The following FTO variants were observed in gnomAD, a reference collection of about 807,000 sequenced individuals.
FTO encodes the protein alpha-ketoglutarate-dependent dioxygenase FTO.
FTO carries 47 observed loss-of-function variants against 63.9 expected under a neutral mutation model. The observed-to-expected ratio is 0.74, with a 90% CI of 0.58 to 0.94. The LOEUF is 0.94. Ranked by LOEUF, FTO falls within the 40% of genes least tolerant of loss-of-function variation. The pLI is 0.00. For synonymous variants in FTO, 207 were observed against 224.4 expected, an observed-to-expected ratio of 0.92 and a Z score of 0.69; for missense variants, 562 against 618.1, an observed-to-expected ratio of 0.91 and a Z score of 0.96.
At chr16:53,821,810 T>C (rs886393463) in intron 2 of FTO, among the ~76,000 whole-genome samples, 2 of 152,252 alleles carry the variant, frequency 1.3e-5, no homozygotes, top group Non-Finnish European at 2.9e-5. Flanking sequence ...GGCTAGATTA[T>C]GCTATAGTAA....
intron 3 of FTO, among the ~76,000 whole-genome samples, chr16:53,841,357 T>TAA (rs78861059): frequency 7.2e-5 from 11 of 151,848 alleles, no homozygotes; most frequent in South Asian, 2.1e-4. Flanking sequence ...GTTATTCTGT[T>TAA]AAAAAAACCT....
At chr16:53,784,309 C>A (rs564883508) in intron 1 of FTO, among the ~76,000 whole-genome samples, 1 of 152,118 alleles carries the variant, frequency 6.6e-6, no homozygotes, top group Non-Finnish European at 1.5e-5. Flanking sequence ...AAATAAATAA[C>A]CTAAACTGGT....
chr16:53,899,855 G>A (rs1251976733), intron 7 of FTO, among the ~76,000 whole-genome samples: 1 of 152,224 alleles, frequency 6.6e-6, no homozygotes, highest in Non-Finnish European at 1.5e-5. Flanking sequence ...AAAGGAAAAA[G>A]TTTGGTTGTA....
intron 4 of FTO, among the ~76,000 whole-genome samples, chr16:53,870,276 A>G (rs1197896360): frequency 6.6e-6 from 1 of 152,168 alleles, no homozygotes; most frequent in Non-Finnish European, 1.5e-5. Flanking sequence ...CAGAAGCATG[A>G]GAAGATGTTT....
chr16:53,757,789 C>G (rs750827636), intron 1 of FTO, among the ~76,000 whole-genome samples: 43 of 152,146 alleles, frequency 2.8e-4, no homozygotes, highest in Non-Finnish European at 4.7e-4. Flanking sequence ...CTTTCTTTCT[C>G]TCTCTGTCCA....
chr16:54,041,165 A>G (rs2085066078), intron 8 of FTO, among the ~76,000 whole-genome samples: 2 of 152,332 alleles, frequency 1.3e-5, no homozygotes, highest in Non-Finnish European at 1.5e-5. Flanking sequence ...TGAGTAATTT[A>G]CAAAGGAAAG....
chr16:53,858,480 A>T (rs1044920682), intron 4 of FTO, among the ~76,000 whole-genome samples: 1 of 152,180 alleles, frequency 6.6e-6, no homozygotes, highest in African/African-American at 2.4e-5. Context: ...TTTTCCATGG[A>T]AGTGAAAAGT....
chr16:54,074,733 A>T lies in FTO; in HGVS notation c.1365-37029A>T, dbSNP rs543325522. Among the ~76,000 whole-genome samples the T allele has an allele frequency of 7.1e-4, 108 of 152,250 alleles. 1 individual carries two copies. The highest frequency in any genetic ancestry group is 6.8e-3 in the Middle Eastern group (2 of 294). ...GTGAATCTTTATCACCTAAGGATAG[A>T]TTCCTAGAAATTGAATTACCGAGCC... On this transcript the variant is annotated intron_variant, in intron 8 of 8. Coordinates refer to ENST00000471389, the MANE Select transcript of FTO (RefSeq NM_001080432.3).
chr16:54,114,691 G>A lies in FTO; in HGVS notation c.*2776G>A, dbSNP rs112093224. The A allele has an allele frequency of 0.18, 27,022 of 152,198 alleles. 2,935 individuals carry two copies. Among genetic ancestry groups the A allele is most frequent in the Middle Eastern group, 0.31 (91 of 292 alleles). 9.4% of individuals were successfully genotyped at this position (152,198 alleles called of 1,614,324 possible). On this transcript the variant is annotated 3_prime_UTR_variant, in exon 9 of 9. Coordinates refer to ENST00000471389, the MANE Select transcript of FTO (RefSeq NM_001080432.3). ...GAGGCTGAGGCAGCAGATCACTGGA[G>A]GTCAGGAGTTCGAGACCAGCCTGGC...
intron 8 of FTO, among the ~76,000 whole-genome samples, chr16:54,050,628 A>T (rs555479823): frequency 2.0e-5 from 3 of 152,212 alleles, no homozygotes; most frequent in South Asian, 4.2e-4. Flanking sequence ...CTTGTCCTAA[A>T]GCAAGGGTTT....
rs1393082077 is a variant in FTO at position 53,826,454 on chromosome 16, C to T, written c.714C>T (p.Asp238=). The T allele has an allele frequency of 5.0e-6, 8 of 1,614,098 alleles. No homozygotes were observed. The highest frequency in any genetic ancestry group is 1.7e-5 in the Admixed American group (1 of 60,006). The change falls in exon 3 of 9, where the codon GAC becomes GAT. Residue 238 remains aspartate, a synonymous_variant. Coordinates refer to ENST00000471389, the MANE Select transcript of FTO (RefSeq NM_001080432.3). ...GGCATCATGATGAAAATCTGGTGGA[C>T]AGGTCAGCGGTGGCAGTGTACAGTT... ...VSWHHDENLV[D]RSAVAVYSYS...
At position 53,863,196 on chromosome 16, in the gene FTO, T is replaced by G. The variant is rs556049574; in HGVS notation, c.896-10590T>G. Among the ~76,000 whole-genome samples, 19 of 152,338 alleles carry G rather than the reference T, an allele frequency of 1.2e-4. No individual in the cohort carries two copies. The South Asian group carries it at 2.7e-3, about 22-fold the overall frequency. On this transcript the variant is annotated intron_variant, in intron 4 of 8. Coordinates refer to ENST00000471389, the MANE Select transcript of FTO (RefSeq NM_001080432.3). Reference sequence around the variant, plus strand: ...TGAAAAACTGAGAATTTTCTAAAATTTTATCATGTCAGTTCGAGTAAACTT... The same window carrying G: ...TGAAAAACTGAGAATTTTCTAAAATGTTATCATGTCAGTTCGAGTAAACTT...
At chr16:54,053,412 T>C (rs1302892184) in intron 8 of FTO, among the ~76,000 whole-genome samples, 1 of 152,184 alleles carries the variant, frequency 6.6e-6, no homozygotes, top group East Asian at 1.9e-4. Flanking sequence ...CCAAAGATCA[T>C]CTCCTGCCAG....
intron 8 of FTO, among the ~76,000 whole-genome samples, chr16:54,106,830 ATT>A (rs1482072283): frequency 7.3e-6 from 1 of 137,072 alleles, no homozygotes; most frequent in Non-Finnish European, 1.5e-5. Flanking sequence ...ATTATATATA[ATT>A]TATGTATATC....
chr16:54,048,422 A>G (rs1482189821), intron 8 of FTO, among the ~76,000 whole-genome samples: 2 of 152,048 alleles, frequency 1.3e-5, no homozygotes, highest in African/African-American at 2.4e-5. Flanking sequence ...AGTCGTTTTG[A>G]TATCTTTTTA....
Position 53,883,646 on chromosome 16 carries a change from A to C in FTO, c.1119+3659A>C, listed in dbSNP as rs28649485. On this transcript the variant is annotated intron_variant, in intron 6 of 8. Transcript: ENST00000471389. The stretch of plus-strand genomic sequence containing the variant: ...TCAAAAAAAAAAAAACAAAAAAAAA[A>C]AAACAAATTTGTCTGCTTCAGAAAG... Among the ~76,000 whole-genome samples, 254 of 135,738 alleles carry C rather than the reference A, an allele frequency of 1.9e-3. 6 individuals are homozygous for C. Among genetic ancestry groups the C allele is most frequent in the East Asian group, 7.2e-3 (32 of 4,428 alleles). The allele number at this position is 135,738 out of a possible 152,430, so 89.0% of individuals were successfully genotyped here.
intron 1 of FTO, among the ~76,000 whole-genome samples, chr16:53,712,485 G>A (rs1212083683): frequency 6.6e-6 from 1 of 152,152 alleles, no homozygotes; most frequent in Non-Finnish European, 1.5e-5. Context: ...AAGAGTTAGT[G>A]TATTTGATCA....
At chr16:54,003,417 G>A (rs74019313) in intron 8 of FTO, among the ~76,000 whole-genome samples, 1,735 of 152,260 alleles carry the variant, frequency 0.011, 35 homozygotes, top group African/African-American at 0.039. Context: ...ACTTATATTT[G>A]ATTATTCTTT....
At chr16:53,793,037 G>A (rs954424014) in intron 1 of FTO, among the ~76,000 whole-genome samples, 1 of 152,162 alleles carries the variant, frequency 6.6e-6, no homozygotes, top group Non-Finnish European at 1.5e-5. Flanking sequence ...ACTTGGAGCT[G>A]GCTCAAGGAA....
Sources: gnomAD v4.1 joint callset for allele counts (sites outside exome capture counted in the v4.1 genomes callset) on GRCh38, gnomAD v4.1.1 for gene constraint, MANE v1.5 for transcripts, NCBI Gene and HGNC (gene_info 2026-07-23, HGNC 2026-07-21) for gene names.